Variants in FUT8 observed in about 807,000 individuals in gnomAD.
FUT8 encodes the protein fucosyltransferase 8, also known as alpha-(1,6)-fucosyltransferase.
A neutral mutation model predicts 71.3 loss-of-function variants in FUT8; 29 were observed. The observed-to-expected ratio is 0.41, with a 90% CI of 0.30 to 0.55. The LOEUF (loss-of-function observed/expected upper bound fraction) is 0.55. Ranked by LOEUF, FUT8 falls within the 20% of genes least tolerant of loss-of-function variation. FUT8 has a pLI of 0.34. For synonymous variants in FUT8, 254 were observed against 239.3 expected, an observed-to-expected ratio of 1.06 and a Z score of -0.57; for missense variants, 544 against 702.1, an observed-to-expected ratio of 0.77 and a Z score of 2.55.
At chr14:65,646,349 G>A (rs1891124173) in intron 6 of FUT8, among the ~76,000 whole-genome samples, 1 of 152,170 alleles carries the variant, frequency 6.6e-6, no homozygotes, top group Non-Finnish European at 1.5e-5. Flanking sequence ...TAGATGAAAG[G>A]TAATAGATGC....
intron 6 of FUT8, among the ~76,000 whole-genome samples, chr14:65,640,428 CATA>C (rs975351336): frequency 3.9e-5 from 6 of 151,976 alleles, no homozygotes; most frequent in East Asian, 1.9e-4. Flanking sequence ...GGTCAAAATA[CATA>C]ATATTTTTGG....
chr14:65,474,743 C>T (rs565961001), intron 2 of FUT8, among the ~76,000 whole-genome samples: 3 of 152,248 alleles, frequency 2.0e-5, no homozygotes, highest in South Asian at 2.1e-4. Context: ...CCATCTTTCT[C>T]CTAATACCTT....
chr14:65,696,073 G>A (rs949910351), intron 7 of FUT8, among the ~76,000 whole-genome samples: 3 of 151,938 alleles, frequency 2.0e-5, no homozygotes, highest in Non-Finnish European at 2.9e-5. Context: ...ACTATCATTC[G>A]TGTTAGTTAT....
intron 3 of FUT8, among the ~76,000 whole-genome samples, chr14:65,598,371 C>T (rs997992890): frequency 2.0e-5 from 3 of 152,012 alleles, no homozygotes; most frequent in Admixed American, 6.6e-5. Flanking sequence ...TACAGATGCA[C>T]GCCACCACCC....
At chr14:65,546,968 T>C (rs1365459017) in intron 2 of FUT8, among the ~76,000 whole-genome samples, 1 of 151,758 alleles carries the variant, frequency 6.6e-6, no homozygotes, top group Non-Finnish European at 1.5e-5. Context: ...TTTGTTTCTT[T>C]TAGGAAATCT....
upstream of FUT8, among the ~76,000 whole-genome samples, chr14:65,409,963 C>T (rs1208480956): frequency 6.6e-6 from 1 of 152,086 alleles, no homozygotes; most frequent in Non-Finnish European, 1.5e-5. The surrounding 1 kb of genome is among the most constrained non-coding windows in gnomAD (Gnocchi z 5.4). Flanking sequence ...GCAACTATTA[C>T]AAACTGGCAG....
the FUT8 span, among the ~76,000 whole-genome samples, chr14:65,360,323 C>T: frequency 2.6e-5 from 4 of 152,208 alleles, no homozygotes; most frequent in East Asian, 3.8e-4. Flanking sequence ...AATGTGGGCA[C>T]GACTCACAGC....
chr14:65,417,332 TA>T (rs897390323), intron 1 of FUT8, among the ~76,000 whole-genome samples: 14 of 152,108 alleles, frequency 9.2e-5, no homozygotes, highest in Admixed American at 2.6e-4. Context: ...TTTCCCCAGC[TA>T]CCCCCCATCA....
intron 9 of FUT8, among the ~76,000 whole-genome samples, chr14:65,732,741 A>G (rs1289820138): frequency 6.6e-6 from 1 of 152,204 alleles, no homozygotes; most frequent in Non-Finnish European, 1.5e-5. Flanking sequence ...TAAAATATTC[A>G]TCTCTTAACT....
chr14:65,546,791 G>T (rs962703765), intron 2 of FUT8, among the ~76,000 whole-genome samples: 2 of 150,466 alleles, frequency 1.3e-5, no homozygotes, highest in Non-Finnish European at 3.0e-5. Flanking sequence ...TAGAATTGTT[G>T]TTATATCTAC....
At chr14:65,656,589 A>G (rs1891691568) in intron 6 of FUT8, among the ~76,000 whole-genome samples, 1 of 152,188 alleles carries the variant, frequency 6.6e-6, no homozygotes, top group Non-Finnish European at 1.5e-5. Flanking sequence ...TGTAATCCCT[A>G]TCAAAATAAC....
chr14:65,369,374 G>A, the FUT8 span, among the ~76,000 whole-genome samples: 1 of 152,158 alleles, frequency 6.6e-6, no homozygotes, highest in Non-Finnish European at 1.5e-5. This position sits in a 1 kb window ranked among gnomAD's most constrained non-coding sequence, Gnocchi z 4.6. Context: ...TGTCTCTGCC[G>A]ACTTGTCAGA....
chr14:65,580,065 A>G (rs1448892558), intron 3 of FUT8, among the ~76,000 whole-genome samples: 1 of 60,062 alleles, frequency 1.7e-5, no homozygotes, highest in East Asian at 7.9e-4. Flanking sequence ...TGATAGTGCT[A>G]TATTTTATAT....
At chr14:65,512,193 TTG>T (rs1882389983) in intron 2 of FUT8, among the ~76,000 whole-genome samples, 1 of 152,228 alleles carries the variant, frequency 6.6e-6, no homozygotes, top group African/African-American at 2.4e-5. Flanking sequence ...AGACAGAGTC[TTG>T]CTCGGTTGCC....
At position 65,615,960 on chromosome 14, in the gene FUT8, A is replaced by G. The variant is rs374142551; in HGVS notation, c.204-18A>G. On this transcript the variant is annotated intron_variant, in intron 3 of 10. Transcript: ENST00000673929. ...AGTTTGAAAGCTAAATGTTTACATT[A>G]TCTTCCCTAAACTACAGGATACCAG... 124 of 1,544,400 alleles carry G rather than the reference A, an allele frequency of 8.0e-5. No individual in the cohort carries two copies. The African/African-American group carries it at 1.4e-3, about 17-fold the overall frequency.
intron 6 of FUT8, among the ~76,000 whole-genome samples, chr14:65,642,063 A>G (rs1053260401): frequency 6.6e-6 from 1 of 152,122 alleles, no homozygotes; most frequent in Non-Finnish European, 1.5e-5. Flanking sequence ...TTAAGTTTTT[A>G]AATTTATGCT....
At chr14:65,662,101 A>T (rs1891995114) in intron 6 of FUT8, among the ~76,000 whole-genome samples, 1 of 152,170 alleles carries the variant, frequency 6.6e-6, no homozygotes, top group Admixed American at 6.6e-5. Context: ...GTCAGATGAA[A>T]TGCCTCAGAT....
chr14:65,508,746 C>A (rs1882129277), intron 2 of FUT8, among the ~76,000 whole-genome samples: 1 of 151,988 alleles, frequency 6.6e-6, no homozygotes, highest in Non-Finnish European at 1.5e-5. Flanking sequence ...AGGTAATCCA[C>A]CCGCTTCCGC....
At chr14:65,490,062 T>C (rs1166483887) in intron 2 of FUT8, among the ~76,000 whole-genome samples, 1 of 152,140 alleles carries the variant, frequency 6.6e-6, no homozygotes, top group East Asian at 1.9e-4. Context: ...AAACCTACTT[T>C]TGGTTATTAT....
Sources: allele counts gnomAD v4.1 joint callset (sites outside exome capture counted in the v4.1 genomes callset), GRCh38; gene constraint gnomAD v4.1.1; non-coding constraint Gnocchi (gnomAD v3.1); transcripts MANE v1.5; gene names NCBI Gene and HGNC (gene_info 2026-07-23, HGNC 2026-07-21).